MEGF9: variants seen among roughly 807,000 people sequenced by gnomAD.
MEGF9 encodes multiple EGF like domains 9.
MEGF9 carries 6 observed loss-of-function variants against 46.8 expected under a neutral mutation model. That is an observed-to-expected ratio of 0.13 (90% CI 0.07 to 0.25). MEGF9 has a LOEUF of 0.25. Ranked by LOEUF, MEGF9 falls within the 10% of genes least tolerant of loss-of-function variation. MEGF9 has a pLI of 1.00. For missense variants in MEGF9, 683 were observed against 792.4 expected (o/e 0.86, Z 1.66); for synonymous variants, 302 against 330.7 (o/e 0.91, Z 0.94).
chr9:120,632,336 G>GTTT (rs34449214), intron 2 of MEGF9, among the ~76,000 whole-genome samples: 10 of 132,980 alleles, frequency 7.5e-5, no homozygotes, highest in African/African-American at 2.7e-4. Context: ...ATTCCTAAGT[G>GTTT]TTTTTTTTTT....
intron 1 of MEGF9, among the ~76,000 whole-genome samples, chr9:120,693,306 A>C (rs1175874604): frequency 6.6e-6 from 1 of 151,288 alleles, no homozygotes; most frequent in East Asian, 1.9e-4. Flanking sequence ...AAGAAGAAGA[A>C]GAAGAAGAAA....
At chr9:120,678,080 G>C (rs188797967) in intron 1 of MEGF9, among the ~76,000 whole-genome samples, 1 of 152,222 alleles carries the variant, frequency 6.6e-6, no homozygotes, top group East Asian at 1.9e-4. Context: ...ATTACCTCTA[G>C]TTGTTGTTGT....
rs565530571 is a variant in MEGF9 at position 120,626,414 on chromosome 9, G to A, written c.804-3659C>T. Among the ~76,000 whole-genome samples the A allele has an allele frequency of 2.6e-5, 4 of 152,162 alleles. No homozygotes were observed. In the East Asian group the frequency reaches 7.7e-4, roughly 29 times the overall value. ...CAGTTATAGAACTTACATACTCATG[G>A]GTGTGAACAACTCCTGCAAGGTTTT... On this transcript the variant is annotated intron_variant, in intron 2 of 5. Coordinates refer to ENST00000373930, the MANE Select transcript of MEGF9 (RefSeq NM_001080497.3).
rs2043402779 is a variant in MEGF9, at chr9:120,602,756, T to A, written c.*2434A>T. On this transcript the variant is annotated 3_prime_UTR_variant, in exon 6 of 6. Coordinates refer to ENST00000373930, the MANE Select transcript of MEGF9 (RefSeq NM_001080497.3). The stretch of plus-strand genomic sequence containing the variant: ...TTCTCACCACCTTTAATCCTGACCT[T>A]TTTTGGGGGGGGCAGGGGGCGGTGT... 1 of 152,038 alleles carries A rather than the reference T, an allele frequency of 6.6e-6. No homozygotes were observed. Among genetic ancestry groups the A allele is most frequent in the South Asian group, 2.1e-4 (1 of 4,802 alleles). 9.4% of individuals were successfully genotyped at this position (152,038 alleles called of 1,614,324 possible). A position where few individuals can be genotyped will look rare whatever the true frequency, so the allele number is the denominator to read the frequency against.
chr9:120,677,700 T>C (rs946552124), intron 1 of MEGF9, among the ~76,000 whole-genome samples: 2 of 152,186 alleles, frequency 1.3e-5, no homozygotes, highest in African/African-American at 4.8e-5. Context: ...AATGTGCTAA[T>C]TTGGGATCAA....
intron 1 of MEGF9, among the ~76,000 whole-genome samples, chr9:120,664,178 G>A (rs1047026375): frequency 2.6e-5 from 4 of 151,816 alleles, no homozygotes; most frequent in Non-Finnish European, 5.9e-5. Flanking sequence ...TGAACATACT[G>A]AAGACCTTTT....
intron 2 of MEGF9, among the ~76,000 whole-genome samples, chr9:120,632,304 T>C (rs2043553965): frequency 6.6e-6 from 1 of 151,938 alleles, no homozygotes; most frequent in African/African-American, 2.4e-5. Flanking sequence ...TGTAGAAATC[T>C]TTCATATTCT....
rs75534333 is a variant in MEGF9, at chr9:120,659,487, A to G, written c.690T>C (p.Tyr230=). 2.2e-3 allele frequency: 3,588 copies of G among 1,613,846 alleles called. 69 individuals carry two copies. In the African/African-American group the frequency reaches 0.043, roughly 19 times the overall value. The change falls in exon 2 of 6, where the codon TAT becomes TAC. Residue 230 remains tyrosine, a synonymous_variant. Coordinates refer to ENST00000373930, the MANE Select transcript of MEGF9 (RefSeq NM_001080497.3). ...TGCAGGTTTCACAGTGAAGCCCCTG[A>G]TAACCTGGCCGACACTCACACTGCC... The part of the protein sequence containing the change: ...TTGQCECRPG[Y]QGLHCETCKE...
chr9:120,654,027 T>C (rs2043665340), intron 2 of MEGF9, among the ~76,000 whole-genome samples: 1 of 150,292 alleles, frequency 6.7e-6, no homozygotes, highest in African/African-American at 2.5e-5. Context: ...TTCAAAGGAG[T>C]TTTTAGGACG....
At chr9:120,686,078 GT>G (rs1428659008) in intron 1 of MEGF9, among the ~76,000 whole-genome samples, 1 of 151,030 alleles carries the variant, frequency 6.6e-6, no homozygotes, top group Non-Finnish European at 1.5e-5. Flanking sequence ...GGAAAAGGGA[GT>G]TGAGGGAATT....
At chr9:120,608,245 T>G (rs1564411058) in intron 4 of MEGF9, among the ~76,000 whole-genome samples, 1 of 152,102 alleles carries the variant, frequency 6.6e-6, no homozygotes, top group Non-Finnish European at 1.5e-5. Context: ...TATAATAATC[T>G]CTATTAATTA....
chr9:120,670,340 G>A (rs536497169), intron 1 of MEGF9, among the ~76,000 whole-genome samples: 3 of 152,032 alleles, frequency 2.0e-5, no homozygotes, highest in South Asian at 2.1e-4. Context: ...CAAATGATCT[G>A]CCCACCTCAG....
chr9:120,645,656 A>T (rs954444678), intron 2 of MEGF9, among the ~76,000 whole-genome samples: 2 of 152,232 alleles, frequency 1.3e-5, no homozygotes, highest in African/African-American at 2.4e-5. Context: ...ATTTAGGCAT[A>T]TGAGGGCCAG....
intron 2 of MEGF9, among the ~76,000 whole-genome samples, chr9:120,631,563 C>G (rs1394077071): frequency 1.3e-5 from 2 of 151,720 alleles, no homozygotes; most frequent in Non-Finnish European, 2.9e-5. Context: ...CAACTCACTG[C>G]AACCTCCACC....
intron 2 of MEGF9, among the ~76,000 whole-genome samples, chr9:120,631,225 T>C (rs971051922): frequency 1.3e-5 from 2 of 152,232 alleles, no homozygotes; most frequent in Non-Finnish European, 2.9e-5. Flanking sequence ...GCACCACTTA[T>C]TGAAGAGACT....
intron 1 of MEGF9, among the ~76,000 whole-genome samples, chr9:120,668,034 A>C (rs1210758604): frequency 1.3e-5 from 2 of 152,196 alleles, no homozygotes; most frequent in African/African-American, 4.8e-5. Flanking sequence ...CAAAATAAAC[A>C]AACAAACAAA....
At chr9:120,652,033 C>G (rs957075980) in intron 2 of MEGF9, among the ~76,000 whole-genome samples, 6 of 150,644 alleles carry the variant, frequency 4.0e-5, no homozygotes, top group Non-Finnish European at 5.9e-5. Context: ...CCCTAGCATA[C>G]CAACAAAAAA....
At chr9:120,612,596 T>A in intron 3 of MEGF9, 57 bp from the exon 4 acceptor site, 1 of 1,497,780 alleles carries the variant, frequency 6.7e-7, no homozygotes, top group Non-Finnish European at 9.0e-7. Context: ...GCCAAGTAAC[T>A]TTCAAAAATC....
At chr9:120,674,025 T>C (rs1352528009) in intron 1 of MEGF9, among the ~76,000 whole-genome samples, 1 of 146,320 alleles carries the variant, frequency 6.8e-6, no homozygotes, top group East Asian at 2.0e-4. Context: ...AAATGTAAAA[T>C]GTAAAACTAT....
Sources: allele counts gnomAD v4.1 joint callset (sites outside exome capture counted in the v4.1 genomes callset), GRCh38; gene constraint gnomAD v4.1.1; transcripts MANE v1.5; gene names NCBI Gene and HGNC (gene_info 2026-07-23, HGNC 2026-07-21).